Variants in FKBP1B observed in about 807,000 individuals in gnomAD.
FKBP1B encodes the protein peptidyl-prolyl cis-trans isomerase FKBP1B.
In FKBP1B, 4 loss-of-function variants were observed where a neutral mutation model predicts 13.5. The observed-to-expected ratio is 0.30, with a 90% CI of 0.15 to 0.68. FKBP1B has a LOEUF of 0.68. FKBP1B is among the 30% of genes least tolerant of loss of function. The pLI, the probability that FKBP1B is intolerant of heterozygous loss-of-function variation, is 0.76. For missense variants in FKBP1B, 93 were observed against 136.2 expected, an observed-to-expected ratio of 0.68 and a Z score of 1.58; for synonymous variants, 54 against 53.6, an observed-to-expected ratio of 1.01 and a Z score of -0.03.
At chr2:24,037,580 G>C in the FKBP1B span, 1 of 1,324,504 alleles carries the variant, frequency 7.5e-7, no homozygotes, top group Non-Finnish European at 1.0e-6. Context: ...GTGAAGCTCA[G>C]TTAGAGCACC....
chr2:24,039,400 T>C, the FKBP1B span: 4 of 1,614,150 alleles, frequency 2.5e-6, no homozygotes, highest in Admixed American at 6.7e-5. Flanking sequence ...GACAACTTGA[T>C]TCCCATCGGT....
chr2:24,050,824 AT>A lies in FKBP1B; in HGVS notation c.37+939del, dbSNP rs1663833046. Reference sequence around the variant, plus strand: ...TTGGATAACTTCTTGGCTCCAGGCCATCTTCCTTGTCCAATCCCAGCCACTA... The same window carrying A: ...TTGGATAACTTCTTGGCTCCAGGCCACTTCCTTGTCCAATCCCAGCCACTA... On this transcript the variant is annotated intron_variant, in intron 1 of 3. Transcript: ENST00000380986. This position sits in a 1 kb window ranked among gnomAD's most constrained non-coding sequence, Gnocchi z 5.8. 1.3e-5 allele frequency among the ~76,000 whole-genome samples: 2 copies of A among 152,210 alleles called. No homozygotes were observed. Among genetic ancestry groups the A allele is most frequent in the Admixed American group, 1.3e-4 (2 of 15,276 alleles).
In FKBP1B at chr2:24,063,459, A is replaced by T; in HGVS notation, c.*267A>T. ...ATGCATGTAGTAGCCTTTCCTGATGACAGAACACAGATCTCTTGTTCGCAC... is the reference window on the plus strand; with the variant it reads ...ATGCATGTAGTAGCCTTTCCTGATGTCAGAACACAGATCTCTTGTTCGCAC... On this transcript the variant is annotated 3_prime_UTR_variant, in exon 4 of 4. Transcript: ENST00000380986. The T allele has an allele frequency of 2.6e-6, 1 of 381,830 alleles. No homozygotes were observed. Among genetic ancestry groups the T allele is most frequent in the Non-Finnish European group, 4.7e-6 (1 of 214,150 alleles). 23.7% of individuals were successfully genotyped at this position (381,830 alleles called of 1,614,324 possible).
rs1432995023 is a variant in FKBP1B at position 24,049,830 on chromosome 2, G to A, written c.-20G>A. The stretch of plus-strand genomic sequence containing the variant: ...GGGCAGCAGCAGGGACCCCCCAGAG[G>A]CGGGGCCTGTGGGACCGCTATGGGC... On this transcript the variant is annotated 5_prime_UTR_variant, in exon 1 of 4. Coordinates refer to ENST00000380986, the MANE Select transcript of FKBP1B (RefSeq NM_004116.5). The A allele has an allele frequency of 1.0e-5, 14 of 1,384,804 alleles. No homozygotes were observed. The South Asian group carries it at 1.9e-4, about 19-fold the overall frequency. 85.8% of individuals were successfully genotyped at this position (1,384,804 alleles called of 1,614,324 possible).
intron 2 of FKBP1B, among the ~76,000 whole-genome samples, chr2:24,060,436 CA>C (rs534090159): frequency 1.6e-4 from 25 of 152,164 alleles, no homozygotes; most frequent in Non-Finnish European, 2.9e-4. Flanking sequence ...CCTGTAATGC[CA>C]GCTACCTGGG....
the FKBP1B span, among the ~76,000 whole-genome samples, chr2:24,037,338 T>C: frequency 3.3e-5 from 5 of 152,242 alleles, no homozygotes; most frequent in Admixed American, 3.3e-4. Context: ...ACCTTTTTTA[T>C]AACTGGAGGA....
In FKBP1B at chr2:24,050,278, G is replaced by T. The variant is rs1433344212; in HGVS notation, c.37+392G>T. ...GCTCTGGAAAGCAGGACCTGCTCTC[G>T]GATACCCGCTGCTCGGGGACCTCCT... On this transcript the variant is annotated intron_variant, in intron 1 of 3. Transcript: ENST00000380986. The surrounding 1 kb of genome is among the most constrained non-coding windows in gnomAD (Gnocchi z 5.8). 6.6e-6 allele frequency among the ~76,000 whole-genome samples: 1 copy of T among 152,158 alleles called. No individual in the cohort carries two copies. The highest frequency in any genetic ancestry group is 1.5e-5 in the Non-Finnish European group (1 of 68,014).
chr2:24,050,724 C>G lies in FKBP1B; in HGVS notation c.37+838C>G, dbSNP rs142092155. On this transcript the variant is annotated intron_variant, in intron 1 of 3. Transcript: ENST00000380986. This position sits in a 1 kb window ranked among gnomAD's most constrained non-coding sequence, Gnocchi z 5.8. ...TGAAATTTAATTAATACCAAAGCCC[C>G]CATTGTCTGCAGGGTTTGATGGGCA... Among the ~76,000 whole-genome samples the G allele has an allele frequency of 1.3e-4, 20 of 152,302 alleles. No individual in the cohort carries two copies. The East Asian group carries it at 3.7e-3, about 28-fold the overall frequency.
chr2:24,034,158 C>T, the FKBP1B span, among the ~76,000 whole-genome samples: 1,096 of 152,250 alleles, frequency 7.2e-3, 20 homozygotes, highest in African/African-American at 0.025. Flanking sequence ...TGGTGGCTCA[C>T]GCCTGTAATC....
At chr2:24,039,623 A>T in the FKBP1B span, 2 of 883,564 alleles carry the variant, frequency 2.3e-6, no homozygotes, top group East Asian at 5.2e-5. Flanking sequence ...TAATGTGGAG[A>T]GACAAAAGGA....
At chr2:24,038,235 A>G in the FKBP1B span, 1 of 1,614,162 alleles carries the variant, frequency 6.2e-7, no homozygotes, top group Non-Finnish European at 8.5e-7. Context: ...TGGCATACTG[A>G]TCAGACTTTG....
the FKBP1B span, among the ~76,000 whole-genome samples, chr2:24,036,180 T>C: frequency 5.9e-5 from 9 of 151,480 alleles, no homozygotes; most frequent in Admixed American, 3.3e-4. Context: ...AAACTCCATG[T>C]AGTTAATGTG....
At chr2:24,038,617 T>G in the FKBP1B span, 20 of 1,614,052 alleles carry the variant, frequency 1.2e-5, no homozygotes, top group Admixed American at 2.0e-4. Context: ...CTCAGACTTA[T>G]GTTGATTGAA....
intron 2 of FKBP1B, among the ~76,000 whole-genome samples, chr2:24,057,700 G>A (rs1039409940): frequency 3.3e-5 from 5 of 151,976 alleles, no homozygotes; most frequent in Admixed American, 2.0e-4. Flanking sequence ...TTTTTCTGTA[G>A]AGAGGAAGGT....
chr2:24,033,639 G>A, the FKBP1B span, among the ~76,000 whole-genome samples: 1 of 152,058 alleles, frequency 6.6e-6, no homozygotes, highest in Non-Finnish European at 1.5e-5. Context: ...TACTCGGGAG[G>A]CTGAGGTAGG....
the FKBP1B span, among the ~76,000 whole-genome samples, chr2:24,036,492 CTGT>C: frequency 6.6e-6 from 1 of 152,106 alleles, no homozygotes; most frequent in Non-Finnish European, 1.5e-5. Flanking sequence ...TGATGATGCA[CTGT>C]TAAGTAAAAA....
the FKBP1B span, chr2:24,039,566 AT>A: frequency 6.6e-7 from 1 of 1,506,954 alleles, no homozygotes. Flanking sequence ...CAAATCTAGA[AT>A]GTAGGACATT....
At position 24,061,091 on chromosome 2, in the gene FKBP1B, C is replaced by T. The variant is rs537081303; in HGVS notation, c.198+165C>T. Among the ~76,000 whole-genome samples the T allele has an allele frequency of 4.6e-5, 7 of 152,206 alleles. No homozygotes were observed. The South Asian group carries it at 1.5e-3, about 32-fold the overall frequency. On this transcript the variant is annotated intron_variant, in intron 3 of 3. Transcript: ENST00000380986. ...GTGTCCCCTCCTGGCTTTGCGTCCC[C>T]ACCCCTCTCCTTGCCAGCATACCTC... is the stretch of plus-strand genomic sequence containing the variant.
At chr2:24,063,006 C>G in intron 3 of FKBP1B, 58 bp from the exon 4 acceptor site, 1 of 1,613,192 alleles carries the variant, frequency 6.2e-7, no homozygotes, top group Middle Eastern at 1.7e-4. Flanking sequence ...TAACTTTTTT[C>G]TTTTAAATCA....
Sources: gnomAD v4.1 joint callset for allele counts (sites outside exome capture counted in the v4.1 genomes callset) on GRCh38, gnomAD v4.1.1 for gene constraint, Gnocchi (gnomAD v3.1) non-coding constraint, MANE v1.5 for transcripts, NCBI Gene and HGNC (gene_info 2026-07-23, HGNC 2026-07-21) for gene names.